Variants in CPNE4 observed in about 807,000 individuals in gnomAD.
CPNE4 encodes copine 4, also known as copine-4.
Under a neutral mutation model 67.9 loss-of-function variants are expected in CPNE4, and 25 were observed. That is an observed-to-expected ratio of 0.37 (90% CI 0.27 to 0.51). The LOEUF is 0.51. CPNE4 is among the 20% of genes least tolerant of loss of function. The probability of loss-of-function intolerance (pLI) is 0.93; values close to 1 mark genes in which losing one functional copy is unlikely to be tolerated. For synonymous variants in CPNE4, 242 were observed against 244.9 expected (o/e 0.99, Z 0.11); for missense variants, 464 against 690.8 (o/e 0.67, Z 3.68).
intron 1 of CPNE4, among the ~76,000 whole-genome samples, chr3:131,978,119 TAA>T (rs1301167088): frequency 3.1e-5 from 2 of 65,064 alleles, no homozygotes; most frequent in Non-Finnish European, 5.0e-5. Flanking sequence ...AAAATATATA[TAA>T]ATATATATAT....
At chr3:131,580,385 C>A (rs906675203) in intron 9 of CPNE4, among the ~76,000 whole-genome samples, 1 of 145,598 alleles carries the variant, frequency 6.9e-6, no homozygotes, top group Non-Finnish European at 1.5e-5. Flanking sequence ...CTGACATTGG[C>A]CTCTATACAT....
chr3:131,646,657 T>G (rs2079673930), intron 7 of CPNE4, among the ~76,000 whole-genome samples: 1 of 152,222 alleles, frequency 6.6e-6, no homozygotes, highest in Non-Finnish European at 1.5e-5. Context: ...CTTCAAGATG[T>G]GCTTATATTA....
At chr3:131,772,695 C>T (rs945111765) in intron 2 of CPNE4, among the ~76,000 whole-genome samples, 1 of 152,032 alleles carries the variant, frequency 6.6e-6, no homozygotes, top group Admixed American at 6.6e-5. Context: ...GTTTATCTAC[C>T]CCAGATCTCA....
chr3:131,884,305 T>C (rs1056187154), intron 2 of CPNE4, among the ~76,000 whole-genome samples: 2 of 152,154 alleles, frequency 1.3e-5, no homozygotes, highest in Non-Finnish European at 2.9e-5. Context: ...GGCCATTGAA[T>C]TGCAGGAAAT....
Position 131,685,835 on chromosome 3 carries a change from T to A in CPNE4, c.591+40A>T, listed in dbSNP as rs752635677. 5 of 1,305,394 alleles carry A rather than the reference T, an allele frequency of 3.8e-6. No homozygotes were observed. In the South Asian group the frequency reaches 6.1e-5, roughly 16 times the overall value. The allele number at this position is 1,305,394 out of a possible 1,614,324, so 80.9% of individuals were successfully genotyped here. A position where few individuals can be genotyped will look rare whatever the true frequency, so the allele number is the denominator to read the frequency against. ...CTCAAAATAGGTCAATTTATCATCA[T>A]CTTAGGAGATAAGAGGGCATAGCTG... is the stretch of plus-strand genomic sequence containing the variant. On this transcript the variant is annotated intron_variant, in intron 6 of 15. Coordinates refer to ENST00000429747, the MANE Select transcript of CPNE4 (RefSeq NM_130808.3).
chr3:131,656,404 G>A (rs964213482), intron 7 of CPNE4, among the ~76,000 whole-genome samples: 2 of 152,104 alleles, frequency 1.3e-5, no homozygotes, highest in Non-Finnish European at 2.9e-5. Context: ...CGATATATGT[G>A]GAGATAAGAA....
chr3:131,938,827 G>C (rs954543496), intron 1 of CPNE4, among the ~76,000 whole-genome samples: 1 of 152,076 alleles, frequency 6.6e-6, no homozygotes, highest in African/African-American at 2.4e-5. Context: ...ATATAAAATG[G>C]ATCAGGTTTA....
intron 2 of CPNE4, among the ~76,000 whole-genome samples, chr3:131,823,712 C>T (rs2085047849): frequency 6.6e-6 from 1 of 152,132 alleles, no homozygotes; most frequent in Non-Finnish European, 1.5e-5. Flanking sequence ...CTTCATCAGC[C>T]ACATTGCAAA....
At chr3:131,547,313 G>A (rs1935909348) in intron 14 of CPNE4, among the ~76,000 whole-genome samples, 1 of 151,822 alleles carries the variant, frequency 6.6e-6, no homozygotes, top group Admixed American at 6.6e-5. Flanking sequence ...AAATTAGCTG[G>A]GCGTGGTGGC....
At chr3:131,645,073 T>C (rs965266785) in intron 7 of CPNE4, among the ~76,000 whole-genome samples, 3 of 152,142 alleles carry the variant, frequency 2.0e-5, no homozygotes, top group Non-Finnish European at 4.4e-5. Flanking sequence ...CCGGAAAAAC[T>C]TGGAAGACTG....
intron 7 of CPNE4, among the ~76,000 whole-genome samples, chr3:131,649,740 G>A (rs959302744): frequency 6.6e-6 from 1 of 152,056 alleles, no homozygotes; most frequent in Admixed American, 6.6e-5. Context: ...AGTGCATAAG[G>A]TATGCAAAAC....
intron 7 of CPNE4, among the ~76,000 whole-genome samples, chr3:131,603,073 T>C (rs780728848): frequency 6.6e-6 from 1 of 152,168 alleles, no homozygotes; most frequent in Non-Finnish European, 1.5e-5. Flanking sequence ...CTCTATGACT[T>C]ATATCTCCAC....
intron 4 of CPNE4, 121 bp from the exon 5 acceptor site, chr3:131,696,737 T>G: frequency 2.4e-6 from 2 of 840,672 alleles, no homozygotes; most frequent in East Asian, 5.0e-5. Flanking sequence ...GGGCAAAGAG[T>G]TTTTCCACAA....
chr3:131,717,888 TTC>T (rs1491068099), intron 3 of CPNE4, among the ~76,000 whole-genome samples: 1 of 46,388 alleles, frequency 2.2e-5, no homozygotes, highest in Non-Finnish European at 5.9e-5. Flanking sequence ...CTTTCTTTCT[TTC>T]TTTCTTTCTT....
chr3:131,748,843 G>A (rs536646723), intron 2 of CPNE4, among the ~76,000 whole-genome samples: 2 of 152,050 alleles, frequency 1.3e-5, no homozygotes, highest in South Asian at 2.1e-4. Context: ...GATAACTTGT[G>A]TCTTCTCTCT....
chr3:131,908,774 A>G (rs971254740), intron 1 of CPNE4, among the ~76,000 whole-genome samples: 17 of 152,160 alleles, frequency 1.1e-4, no homozygotes, highest in Admixed American at 1.0e-3. Context: ...TGTCAAGGAG[A>G]CACATAATTC....
chr3:131,991,964 G>T (rs1225068134), intron 1 of CPNE4, among the ~76,000 whole-genome samples: 1 of 136,564 alleles, frequency 7.3e-6, no homozygotes, highest in African/African-American at 2.5e-5. Flanking sequence ...ATGCACAGAA[G>T]ACAAGAATTG....
intron 1 of CPNE4, among the ~76,000 whole-genome samples, chr3:131,999,011 C>T (rs2073362293): frequency 6.6e-6 from 1 of 151,826 alleles, no homozygotes; most frequent in South Asian, 2.1e-4. Flanking sequence ...ACTGTGATTA[C>T]TTTAGAATGG....
In CPNE4 at chr3:131,910,551, C is replaced by A. The variant is rs117268405; in HGVS notation, c.-1-5107G>T. Among the ~76,000 whole-genome samples, 58 of 152,246 alleles carry A rather than the reference C, an allele frequency of 3.8e-4. No individual in the cohort carries two copies. The East Asian group carries it at 9.1e-3, about 24-fold the overall frequency. On this transcript the variant is annotated intron_variant, in intron 1 of 15. Transcript: ENST00000429747. ...GCTGGAGTACAGCTTCAATCTGATTCCATGGGGGCTCTGGGACATGAATTG... is the reference window on the plus strand; with the variant it reads ...GCTGGAGTACAGCTTCAATCTGATTACATGGGGGCTCTGGGACATGAATTG...
Sources: gnomAD v4.1 joint callset for allele counts (sites outside exome capture counted in the v4.1 genomes callset) on GRCh38, gnomAD v4.1.1 for gene constraint, MANE v1.5 for transcripts, NCBI Gene and HGNC (gene_info 2026-07-23, HGNC 2026-07-21) for gene names.